Variants in MGMT observed in about 807,000 individuals in gnomAD.
MGMT encodes methylated-DNA--protein-cysteine methyltransferase.
A neutral mutation model predicts 15.9 loss-of-function variants in MGMT; 14 were observed. That is an observed-to-expected ratio of 0.88 (90% CI 0.58 to 1.37). The LOEUF is 1.37. MGMT is among the 40% of genes most tolerant of loss of function. The pLI is 0.00. For synonymous variants in MGMT, 130 were observed against 118.2 expected (o/e 1.10, Z -0.65); for missense variants, 282 against 268.1 (o/e 1.05, Z -0.36).
intron 1 of MGMT, among the ~76,000 whole-genome samples, chr10:129,487,215 A>T (rs944481362): frequency 6.6e-6 from 1 of 152,000 alleles, no homozygotes; most frequent in African/African-American, 2.4e-5. Flanking sequence ...CCCTGCTCTC[A>T]TGGGGGTCCA....
At chr10:129,596,172 G>C (rs1225859450) in intron 2 of MGMT, among the ~76,000 whole-genome samples, 1 of 152,016 alleles carries the variant, frequency 6.6e-6, no homozygotes, top group Non-Finnish European at 1.5e-5. Context: ...TTTTAGCATG[G>C]TATTTTCTGC....
At chr10:129,576,563 ACC>A (rs1302014871) in intron 2 of MGMT, among the ~76,000 whole-genome samples, 3 of 152,170 alleles carry the variant, frequency 2.0e-5, no homozygotes, top group Admixed American at 6.5e-5. Context: ...TCTATGACAA[ACC>A]CACAGCCAAT....
chr10:129,619,052 C>G (rs1847060966), intron 2 of MGMT, among the ~76,000 whole-genome samples: 1 of 152,130 alleles, frequency 6.6e-6, no homozygotes, highest in Non-Finnish European at 1.5e-5. Flanking sequence ...TAAACATCCT[C>G]TGTTCCTAAT....
chr10:129,759,399 T>C (rs1589979870), intron 4 of MGMT, 58 bp downstream of exon 4: 1 of 1,610,070 alleles, frequency 6.2e-7, no homozygotes, highest in Non-Finnish European at 8.5e-7. Context: ...GGTGGCAGGG[T>C]GTCATCTGAT....
At chr10:129,493,334 C>A (rs1845488455) in intron 1 of MGMT, among the ~76,000 whole-genome samples, 1 of 152,114 alleles carries the variant, frequency 6.6e-6, no homozygotes, top group East Asian at 1.9e-4. Flanking sequence ...GAGGTGTGCA[C>A]CTTCTCTGCT....
intron 1 of MGMT, among the ~76,000 whole-genome samples, chr10:129,520,517 C>T (rs994689330): frequency 1.3e-5 from 2 of 151,546 alleles, no homozygotes; most frequent in African/African-American, 4.9e-5. Context: ...GGTGCAGGTG[C>T]AGAGCCTCTA....
intron 2 of MGMT, among the ~76,000 whole-genome samples, chr10:129,575,555 A>C (rs1318685130): frequency 1.3e-5 from 2 of 150,078 alleles, no homozygotes; most frequent in African/African-American, 2.5e-5. Context: ...GGAAATTTAT[A>C]GCACTAAATG....
intron 1 of MGMT, among the ~76,000 whole-genome samples, chr10:129,472,867 C>T (rs946872619): frequency 1.1e-4 from 17 of 152,080 alleles, no homozygotes; most frequent in African/African-American, 4.1e-4. Context: ...TAAGGTAGTT[C>T]CCTATTCATT....
chr10:129,664,113 C>T (rs1175062715), intron 2 of MGMT, among the ~76,000 whole-genome samples: 1 of 152,074 alleles, frequency 6.6e-6, no homozygotes, highest in Non-Finnish European at 1.5e-5. Flanking sequence ...TATACCTCAA[C>T]AAATATAACC....
rs531701045 is a variant in MGMT at position 129,586,168 on chromosome 10, C to T, written c.125+49791C>T. ...TTTTCCAGTTAATATTTTTGGACCA[C>T]GGTTGATCTCAAGTAATTGAAACCA... On this transcript the variant is annotated intron_variant, in intron 2 of 4. Coordinates refer to ENST00000651593, the MANE Select transcript of MGMT (RefSeq NM_002412.5). 3.7e-4 allele frequency among the ~76,000 whole-genome samples: 56 copies of T among 152,198 alleles called. 1 individual carries two copies. In the South Asian group the frequency reaches 4.0e-3, roughly 11 times the overall value.
At chr10:129,631,237 C>G (rs1847206403) in intron 2 of MGMT, among the ~76,000 whole-genome samples, 1 of 152,070 alleles carries the variant, frequency 6.6e-6, no homozygotes, top group Non-Finnish European at 1.5e-5. Flanking sequence ...GAGATTTACA[C>G]AGTCCCCGTT....
At chr10:129,589,478 A>G (rs1248385076) in intron 2 of MGMT, among the ~76,000 whole-genome samples, 4 of 152,242 alleles carry the variant, frequency 2.6e-5, no homozygotes, top group Admixed American at 6.5e-5. Context: ...GGCTCACATG[A>G]CATGAAATAA....
chr10:129,765,752 G>T (rs1848926413), intron 4 of MGMT, among the ~76,000 whole-genome samples: 1 of 152,156 alleles, frequency 6.6e-6, no homozygotes, highest in Admixed American at 6.5e-5. Flanking sequence ...CCCTAACAGT[G>T]CTAAGCTGGG....
chr10:129,479,417 T>C (rs751741750), intron 1 of MGMT, among the ~76,000 whole-genome samples: 1 of 151,724 alleles, frequency 6.6e-6, no homozygotes, highest in Non-Finnish European at 1.5e-5. Flanking sequence ...TGACCAAAAA[T>C]CTAATGTATT....
chr10:129,618,055 G>T (rs1427388540), intron 2 of MGMT, among the ~76,000 whole-genome samples: 1 of 152,034 alleles, frequency 6.6e-6, no homozygotes, highest in African/African-American at 2.4e-5. Context: ...TGGCCTGGAG[G>T]CATCTCTGAA....
intron 3 of MGMT, among the ~76,000 whole-genome samples, chr10:129,726,255 T>C (rs1848432153): frequency 6.6e-6 from 1 of 152,148 alleles, no homozygotes; most frequent in African/African-American, 2.4e-5. Flanking sequence ...TGGGTCCTTC[T>C]GACTCCAGAA....
chr10:129,599,083 C>G lies in MGMT; in HGVS notation c.125+62706C>G, dbSNP rs370087985. Among the ~76,000 whole-genome samples the G allele has an allele frequency of 8.5e-5, 13 of 152,302 alleles. No homozygotes were observed. The East Asian group carries it at 2.5e-3, about 29-fold the overall frequency. On this transcript the variant is annotated intron_variant, in intron 2 of 4. Transcript: ENST00000651593. ...ATTGAGCAACGAACAATTCGCAAAT[C>G]GAGCAGCCTCCCAAAGCCAGAGTAG...
intron 3 of MGMT, among the ~76,000 whole-genome samples, chr10:129,728,822 C>G (rs1848463138): frequency 6.6e-6 from 1 of 152,046 alleles, no homozygotes; most frequent in South Asian, 2.1e-4. Context: ...CCCCGCCTCC[C>G]ATCGCCATCA....
chr10:129,561,553 A>C (rs567000600), intron 2 of MGMT, among the ~76,000 whole-genome samples: 1 of 152,268 alleles, frequency 6.6e-6, no homozygotes, highest in African/African-American at 2.4e-5. Flanking sequence ...CGATTTTGTC[A>C]ATTTCGGTGT....
Sources: gnomAD v4.1 joint callset for allele counts (sites outside exome capture counted in the v4.1 genomes callset) on GRCh38, gnomAD v4.1.1 for gene constraint, MANE v1.5 for transcripts, NCBI Gene and HGNC (gene_info 2026-07-23, HGNC 2026-07-21) for gene names.